Variants in LYPLAL1 observed in about 807,000 individuals in gnomAD.
LYPLAL1 encodes the protein lysophospholipase like 1, also known as lysophospholipase-like protein 1.
Under a neutral mutation model 19.7 loss-of-function variants are expected in LYPLAL1, and 23 were observed. That is an observed-to-expected ratio of 1.17 (90% confidence interval 0.84 to 1.65). The LOEUF is 1.65. LYPLAL1 is among the 40% of genes most tolerant of loss of function. The probability of loss-of-function intolerance (pLI) is 0.00; values close to 1 mark genes in which losing one functional copy is unlikely to be tolerated. For synonymous variants in LYPLAL1, 119 were observed against 96.3 expected (o/e 1.24, Z -1.38); for missense variants, 355 against 279.4 (o/e 1.27, Z -1.93).
At chr1:219,443,842 A>G in the LYPLAL1 span, among the ~76,000 whole-genome samples, 1 of 152,354 alleles carries the variant, frequency 6.6e-6, no homozygotes, top group African/African-American at 2.4e-5. Context: ...CAGAAGCTCA[A>G]GGGGCCAGAG....
the LYPLAL1 span, among the ~76,000 whole-genome samples, chr1:219,382,286 C>A: frequency 6.6e-6 from 1 of 152,230 alleles, no homozygotes. Context: ...CTCTTCATGG[C>A]AGGGAAAGCT....
the LYPLAL1 span, among the ~76,000 whole-genome samples, chr1:219,230,779 C>T: frequency 6.6e-6 from 1 of 152,134 alleles, no homozygotes; most frequent in Non-Finnish European, 1.5e-5. Context: ...AACTTAAATA[C>T]TCATGGATTG....
At chr1:219,367,226 T>C in the LYPLAL1 span, among the ~76,000 whole-genome samples, 16 of 152,184 alleles carry the variant, frequency 1.1e-4, no homozygotes, top group African/African-American at 3.9e-4. Flanking sequence ...TATTTCCATT[T>C]ACAAAATATA....
At chr1:219,419,594 C>CACAGAGAGAGAGAGAGAGAGAG in the LYPLAL1 span, among the ~76,000 whole-genome samples, 2 of 99,530 alleles carry the variant, frequency 2.0e-5, no homozygotes, top group African/African-American at 8.0e-5. Context: ...CACACACACA[C>CACAGAGAGAGAGAGAGAGAGAG]AGAGAGAGAG....
At chr1:219,205,571 T>G (rs957926657) in intron 3 of LYPLAL1, among the ~76,000 whole-genome samples, 11 of 152,154 alleles carry the variant, frequency 7.2e-5, no homozygotes, top group Admixed American at 7.2e-4. Flanking sequence ...CAAAATATTG[T>G]AAAATTTTGT....
At chr1:219,304,604 C>T in the LYPLAL1 span, among the ~76,000 whole-genome samples, 1 of 152,174 alleles carries the variant, frequency 6.6e-6, no homozygotes, top group Non-Finnish European at 1.5e-5. Flanking sequence ...AACAAATTAG[C>T]AGTGAAGACT....
chr1:219,238,857 T>A, the LYPLAL1 span, among the ~76,000 whole-genome samples: 1 of 152,232 alleles, frequency 6.6e-6, no homozygotes, highest in African/African-American at 2.4e-5. Flanking sequence ...CTCATTACTA[T>A]TGTTTAGGTA....
the LYPLAL1 span, among the ~76,000 whole-genome samples, chr1:219,395,814 C>T: frequency 1.3e-5 from 2 of 151,936 alleles, no homozygotes; most frequent in East Asian, 3.9e-4. Context: ...AGGAAGGGGT[C>T]CAGTTTTGGC....
chr1:219,408,126 T>C, the LYPLAL1 span, among the ~76,000 whole-genome samples: 3 of 152,154 alleles, frequency 2.0e-5, no homozygotes, highest in African/African-American at 7.2e-5. Context: ...AGGGACTCCT[T>C]AAGCAGATGG....
At chr1:219,352,812 C>T in the LYPLAL1 span, among the ~76,000 whole-genome samples, 2 of 152,228 alleles carry the variant, frequency 1.3e-5, no homozygotes, top group South Asian at 2.1e-4. Flanking sequence ...TGGCTTACTA[C>T]TCCCTGGATG....
At chr1:219,308,328 A>C in the LYPLAL1 span, among the ~76,000 whole-genome samples, 1 of 152,228 alleles carries the variant, frequency 6.6e-6, no homozygotes, top group Non-Finnish European at 1.5e-5. Context: ...GCAGCCTGAC[A>C]ATGTGATAGA....
the LYPLAL1 span, among the ~76,000 whole-genome samples, chr1:219,375,364 G>A: frequency 1.3e-5 from 2 of 151,948 alleles, no homozygotes; most frequent in South Asian, 2.1e-4. Flanking sequence ...TACTCAGGAG[G>A]CTGAGGCAGG....
the LYPLAL1 span, among the ~76,000 whole-genome samples, chr1:219,227,749 C>T: frequency 6.6e-6 from 1 of 152,270 alleles, no homozygotes; most frequent in Non-Finnish European, 1.5e-5. Flanking sequence ...ACCCTTTCTC[C>T]ATGATATGGT....
At chr1:219,269,054 CTG>C in the LYPLAL1 span, among the ~76,000 whole-genome samples, 1 of 152,214 alleles carries the variant, frequency 6.6e-6, no homozygotes, top group African/African-American at 2.4e-5. Context: ...TGCTCTAAGT[CTG>C]TGACAAGCCA....
intron 2 of LYPLAL1, among the ~76,000 whole-genome samples, chr1:219,179,872 G>A (rs1398439505): frequency 6.6e-6 from 1 of 152,038 alleles, no homozygotes; most frequent in Non-Finnish European, 1.5e-5. Flanking sequence ...TCTTTTATTC[G>A]GAACACATGC....
chr1:219,404,743 T>A, the LYPLAL1 span, among the ~76,000 whole-genome samples: 1 of 152,240 alleles, frequency 6.6e-6, no homozygotes, highest in South Asian at 2.1e-4. Context: ...AATAATTTGT[T>A]GTATATTTCA....
chr1:219,302,902 T>C, the LYPLAL1 span, among the ~76,000 whole-genome samples: 1 of 152,178 alleles, frequency 6.6e-6, no homozygotes, highest in Admixed American at 6.5e-5. Context: ...CATTCACCAC[T>C]CGTTGGTGGG....
chr1:219,408,023 G>A, the LYPLAL1 span, among the ~76,000 whole-genome samples: 1 of 152,066 alleles, frequency 6.6e-6, no homozygotes, highest in African/African-American at 2.4e-5. Context: ...GAACACATTG[G>A]GGCTTGGAAT....
chr1:219,240,411 T>C, the LYPLAL1 span, among the ~76,000 whole-genome samples: 1 of 152,208 alleles, frequency 6.6e-6, no homozygotes, highest in Non-Finnish European at 1.5e-5. Flanking sequence ...TTCTACAAAA[T>C]GCATTGAAAT....
Sources: allele counts gnomAD v4.1 joint callset (sites outside exome capture counted in the v4.1 genomes callset), GRCh38; gene constraint gnomAD v4.1.1; transcripts MANE v1.5; gene names NCBI Gene and HGNC (gene_info 2026-07-23, HGNC 2026-07-21).